The following PRR16 variants were observed in gnomAD, a reference collection of about 807,000 sequenced individuals.
PRR16 encodes the protein protein Largen.
A neutral mutation model predicts 18.2 loss-of-function variants in PRR16; 6 were observed. The observed-to-expected ratio is 0.33, with a 90% CI of 0.18 to 0.65. The LOEUF (loss-of-function observed/expected upper bound fraction) is 0.65, where lower values mean the gene tolerates loss of function less well. Among genes scored for constraint, PRR16 ranks in the 30% least tolerant of loss-of-function variants. PRR16 has a pLI of 0.74. For synonymous variants in PRR16, 151 were observed against 147.8 expected, an observed-to-expected ratio of 1.02 and a Z score of -0.16; for missense variants, 412 against 376.6, an observed-to-expected ratio of 1.09 and a Z score of -0.78.
At chr5:120,547,566 T>A (rs998278323) in intron 1 of PRR16, among the ~76,000 whole-genome samples, 1 of 151,972 alleles carries the variant, frequency 6.6e-6, no homozygotes, top group African/African-American at 2.4e-5. Context: ...TTCATTTTTT[T>A]TTTTTACAGT....
At chr5:120,557,053 G>A (rs1380806794) in intron 1 of PRR16, among the ~76,000 whole-genome samples, 1 of 151,686 alleles carries the variant, frequency 6.6e-6, no homozygotes, top group Non-Finnish European at 1.5e-5. Context: ...TGTAACACTG[G>A]ACCCTGGGTG....
At chr5:120,496,914 C>A (rs1272711484) in intron 1 of PRR16, among the ~76,000 whole-genome samples, 1 of 152,072 alleles carries the variant, frequency 6.6e-6, no homozygotes, top group Non-Finnish European at 1.5e-5. Context: ...CACTTTTACA[C>A]AGTTCAGTGT....
chr5:120,564,842 C>G lies in PRR16; in HGVS notation c.159+100197C>G, dbSNP rs139818443. The stretch of plus-strand genomic sequence containing the variant: ...TCTACTAAAAATACAAAAAATCAGC[C>G]AGGTGTGGTGGCGGGCGCCTGTAGT... On this transcript the variant is annotated intron_variant, in intron 1 of 1. Transcript: ENST00000407149. Among the ~76,000 whole-genome samples the G allele has an allele frequency of 3.0e-3, 459 of 152,026 alleles. 3 individuals carry two copies. Among genetic ancestry groups the G allele is most frequent in the Admixed American group, 4.3e-3 (66 of 15,262 alleles).
Position 120,491,448 on chromosome 5 carries a change from CCT to C in PRR16, c.159+26804_159+26805del, listed in dbSNP as rs1186154331. Among the ~76,000 whole-genome samples the C allele has an allele frequency of 3.5e-4, 31 of 88,930 alleles. 1 individual carries two copies. The highest frequency in any genetic ancestry group is 1.5e-3 in the African/African-American group (26 of 17,536). The allele number at this position is 88,930 out of a possible 152,430, so 58.3% of individuals were successfully genotyped here. ...CCTTTCCTTTCCTTTCCTTTCCTTT[CCT>C]TTCCTTTCCTTTCCTTTCCTTTCCT... On this transcript the variant is annotated intron_variant, in intron 1 of 1. Coordinates refer to ENST00000407149, the MANE Select transcript of PRR16 (RefSeq NM_001300783.2).
intron 1 of PRR16, among the ~76,000 whole-genome samples, chr5:120,516,402 T>C (rs177291): frequency 0.99 from 141,445 of 142,850 alleles, 70,039 homozygotes; most frequent in East Asian, 1. Flanking sequence ...CCAGCCTGGG[T>C]GACAGGGTGA....
At chr5:120,571,057 T>G (rs2112735464) in intron 1 of PRR16, among the ~76,000 whole-genome samples, 1 of 152,290 alleles carries the variant, frequency 6.6e-6, no homozygotes, top group Middle Eastern at 3.4e-3. Context: ...GAGTCTTCTC[T>G]TAGAAGACGG....
the PRR16 span, among the ~76,000 whole-genome samples, chr5:120,750,085 C>A: frequency 6.6e-6 from 1 of 152,094 alleles, no homozygotes; most frequent in Admixed American, 6.6e-5. Context: ...AAATTGGGTA[C>A]CTTTACGTAG....
rs747981423 is a variant in PRR16, at chr5:120,686,425, G to A, written c.631G>A (p.Val211Ile). 5.7e-5 allele frequency: 92 copies of A among 1,613,964 alleles called. 2 individuals are homozygous for A. In the South Asian group the frequency reaches 9.8e-4, roughly 17 times the overall value. Residue 211 changes from valine to isoleucine, a missense_variant, in exon 2 of 2, where the codon GTA becomes ATA. Physicochemically the swap from Val to Ile is conservative, Grantham distance 29. Transcript: ENST00000407149. Reference protein sequence around the residue: ...PRERVRFNEKVQYHGYCPDCD... With the variant: ...PRERVRFNEKIQYHGYCPDCD... Reference sequence around the variant, plus strand: ...AGAACGAGTTCGGTTTAATGAAAAAGTACAGTACCATGGCTATTGTCCTGA... The same window carrying A: ...AGAACGAGTTCGGTTTAATGAAAAAATACAGTACCATGGCTATTGTCCTGA...
chr5:120,745,137 G>A, the PRR16 span, among the ~76,000 whole-genome samples: 1 of 152,158 alleles, frequency 6.6e-6, no homozygotes, highest in African/African-American at 2.4e-5. Flanking sequence ...TTGTCAAAGT[G>A]ATTTTAGGGC....
the PRR16 span, among the ~76,000 whole-genome samples, chr5:120,709,999 G>C: frequency 6.6e-6 from 1 of 152,230 alleles, no homozygotes; most frequent in African/African-American, 2.4e-5. Context: ...CCACCAGTGA[G>C]ATTGCTGGAT....
the PRR16 span, among the ~76,000 whole-genome samples, chr5:120,714,879 A>G: frequency 6.6e-6 from 1 of 152,178 alleles, no homozygotes; most frequent in Non-Finnish European, 1.5e-5. Flanking sequence ...TTAGCAAACT[A>G]ACACAGGAAC....
At chr5:120,696,401 C>G in the PRR16 span, among the ~76,000 whole-genome samples, 1 of 152,132 alleles carries the variant, frequency 6.6e-6, no homozygotes, top group Non-Finnish European at 1.5e-5. Flanking sequence ...GCAGTACTTA[C>G]CATACCTACG....
At chr5:120,750,718 T>C in the PRR16 span, among the ~76,000 whole-genome samples, 1 of 152,060 alleles carries the variant, frequency 6.6e-6, no homozygotes, top group Non-Finnish European at 1.5e-5. Context: ...GAGGCACATG[T>C]GTTATTTTGA....
intron 1 of PRR16, among the ~76,000 whole-genome samples, chr5:120,542,390 G>A (rs1361733975): frequency 1.3e-5 from 2 of 152,048 alleles, no homozygotes; most frequent in East Asian, 3.9e-4. Flanking sequence ...ATAGTACAGG[G>A]AGTACCTATA....
chr5:120,520,440 A>G (rs1751136361), intron 1 of PRR16, among the ~76,000 whole-genome samples: 1 of 152,204 alleles, frequency 6.6e-6, no homozygotes, highest in African/African-American at 2.4e-5. Context: ...ATAGTTTGCT[A>G]TTCCTGAAAT....
At chr5:120,713,070 C>G in the PRR16 span, among the ~76,000 whole-genome samples, 1 of 152,036 alleles carries the variant, frequency 6.6e-6, no homozygotes, top group South Asian at 2.1e-4. Context: ...AACCTGGGCT[C>G]ATGGACAGAT....
chr5:120,575,693 C>T (rs571356421), intron 1 of PRR16, among the ~76,000 whole-genome samples: 8 of 152,072 alleles, frequency 5.3e-5, no homozygotes, highest in African/African-American at 9.7e-5. Flanking sequence ...TACCATCATA[C>T]GGAATGGGGA....
At chr5:120,573,836 A>G (rs1524569) in intron 1 of PRR16, among the ~76,000 whole-genome samples, 68,621 of 151,652 alleles carry the variant, frequency 0.45, 15,943 homozygotes, top group Middle Eastern at 0.53. Flanking sequence ...AGTTTATACT[A>G]TCACAAACAT....
chr5:120,623,605 A>G (rs146086014), intron 1 of PRR16, among the ~76,000 whole-genome samples: 83 of 152,216 alleles, frequency 5.5e-4, no homozygotes, highest in African/African-American at 1.9e-3. Context: ...TCTATTTATT[A>G]TTATCTTTAC....
Sources: allele counts gnomAD v4.1 joint callset (sites outside exome capture counted in the v4.1 genomes callset), GRCh38; gene constraint gnomAD v4.1.1; transcripts MANE v1.5; gene names NCBI Gene and HGNC (gene_info 2026-07-23, HGNC 2026-07-21).